LPP: variants seen among roughly 807,000 people sequenced by gnomAD.
LPP encodes lipoma-preferred partner.
A neutral mutation model predicts 60.4 loss-of-function variants in LPP; 38 were observed. The ratio of observed to expected loss-of-function variants is 0.63; its 90% CI spans 0.49 to 0.83. The LOEUF (loss-of-function observed/expected upper bound fraction) is 0.83. Among genes scored for constraint, LPP ranks in the 40% least tolerant of loss-of-function variants. The probability of loss-of-function intolerance (pLI) is 0.00; values close to 1 mark genes in which losing one functional copy is unlikely to be tolerated. For missense variants in LPP, 902 were observed against 783.6 expected (o/e 1.15, Z -1.80); for synonymous variants, 328 against 290.8 (o/e 1.13, Z -1.30).
intron 3 of LPP, among the ~76,000 whole-genome samples, chr3:188,394,853 C>A (rs111983924): frequency 1.3e-3 from 199 of 152,212 alleles, no homozygotes; most frequent in Non-Finnish European, 2.4e-3. Flanking sequence ...AAAAGTGGAA[C>A]AACTTCCAAC....
In LPP at chr3:188,466,867, T is replaced by TA. The variant is rs35756937; in HGVS notation, c.194-17723dup. ...TGCTGTGTAAACTCCACCTGTTTGC[T>TA]AATCATAACATTCATTTTTCTCAAT... On this transcript the variant is annotated intron_variant, in intron 4 of 11. Coordinates refer to ENST00000617246, the MANE Select transcript of LPP (RefSeq NM_001375462.1). Among the ~76,000 whole-genome samples the TA allele has an allele frequency of 2.7e-3, 370 of 137,882 alleles. 6 individuals are homozygous for TA. The highest frequency in any genetic ancestry group is 9.5e-3 in the African/African-American group (352 of 37,224). The allele number at this position is 137,882 out of a possible 152,430, so 90.5% of individuals were successfully genotyped here.
At chr3:188,559,616 G>T (rs773739061) in intron 6 of LPP, among the ~76,000 whole-genome samples, 1 of 151,912 alleles carries the variant, frequency 6.6e-6, no homozygotes, top group Non-Finnish European at 1.5e-5. Flanking sequence ...TTCACTCAAG[G>T]CAGGAAGACA....
At chr3:188,767,664 T>A (rs1734580120) in intron 9 of LPP, among the ~76,000 whole-genome samples, 1 of 152,154 alleles carries the variant, frequency 6.6e-6, no homozygotes, top group South Asian at 2.1e-4. Flanking sequence ...GAATTACATG[T>A]AGCCATATAG....
At chr3:188,636,814 G>A (rs982176922) in intron 7 of LPP, among the ~76,000 whole-genome samples, 3 of 151,568 alleles carry the variant, frequency 2.0e-5, no homozygotes, top group Non-Finnish European at 4.4e-5. Context: ...ACCTCACACG[G>A]CAGGGTATTC....
intron 9 of LPP, among the ~76,000 whole-genome samples, chr3:188,859,625 G>C (rs1163792614): frequency 6.6e-6 from 1 of 152,188 alleles, no homozygotes; most frequent in Non-Finnish European, 1.5e-5. Flanking sequence ...CAATATTAGA[G>C]TAAGTGAGGA....
chr3:188,863,822 A>T (rs933181602), intron 9 of LPP, among the ~76,000 whole-genome samples: 6 of 152,126 alleles, frequency 3.9e-5, no homozygotes, highest in African/African-American at 1.4e-4. Flanking sequence ...AGGTCTTTCC[A>T]TAGGAACTAA....
intron 6 of LPP, among the ~76,000 whole-genome samples, chr3:188,536,002 A>ATTTTTTTTTTTTTT (rs11293389): frequency 8.2e-6 from 1 of 121,762 alleles, no homozygotes; most frequent in Non-Finnish European, 1.7e-5. Flanking sequence ...TATTACATGA[A>ATTTTTTTTTTTTTT]TTTTTTTTTT....
intron 1 of LPP, among the ~76,000 whole-genome samples, chr3:188,209,271 T>C (rs1189615168): frequency 6.6e-6 from 1 of 152,174 alleles, no homozygotes; most frequent in African/African-American, 2.4e-5. Flanking sequence ...TACTACCTCC[T>C]GGGATAGTTG....
chr3:188,500,662 T>G lies in LPP; in HGVS notation c.306+15958T>G, dbSNP rs1305776899. ...TTCATGTATCAATGTTTGGTAGAAT[T>G]TACTAGTGAAGCCATGGTTCCAGAT... On this transcript the variant is annotated intron_variant, in intron 5 of 11. Coordinates refer to ENST00000617246, the MANE Select transcript of LPP (RefSeq NM_001375462.1). Among the ~76,000 whole-genome samples the G allele has an allele frequency of 2.6e-5, 4 of 152,168 alleles. No individual in the cohort carries two copies. The East Asian group carries it at 7.7e-4, about 29-fold the overall frequency.
At chr3:188,575,220 T>C (rs1228482787) in intron 6 of LPP, among the ~76,000 whole-genome samples, 1 of 152,170 alleles carries the variant, frequency 6.6e-6, no homozygotes, top group Non-Finnish European at 1.5e-5. Flanking sequence ...TGTGCTCTTT[T>C]CAGAAGCTTT....
intron 2 of LPP, among the ~76,000 whole-genome samples, chr3:188,318,804 G>GCCGGA (rs1755988619): frequency 7.3e-6 from 1 of 136,540 alleles, no homozygotes; most frequent in South Asian, 2.3e-4. Context: ...TGTCGCCCAG[G>GCCGGA]CTGGAGTGCA....
At chr3:188,406,657 C>A (rs772895796) in intron 4 of LPP, among the ~76,000 whole-genome samples, 1 of 152,148 alleles carries the variant, frequency 6.6e-6, no homozygotes, top group South Asian at 2.1e-4. Flanking sequence ...GACAGTCATC[C>A]CTCCCTCTTG....
rs146725533 is a variant in LPP at position 188,551,980 on chromosome 3, A to T, written c.429+27193A>T. ...TAAGTCAAGCAAAGGAGTTTGTGCAAAAAGTTTGAACATTAACAACAACAA... is the reference window on the plus strand; with the variant it reads ...TAAGTCAAGCAAAGGAGTTTGTGCATAAAGTTTGAACATTAACAACAACAA... On this transcript the variant is annotated intron_variant, in intron 6 of 11. Transcript: ENST00000617246. Among the ~76,000 whole-genome samples, 10 of 151,096 alleles carry T rather than the reference A, an allele frequency of 6.6e-5. No individual in the cohort carries two copies. In the East Asian group the frequency reaches 2.0e-3, roughly 31 times the overall value.
At chr3:188,260,616 G>A (rs921759923) in intron 2 of LPP, among the ~76,000 whole-genome samples, 4 of 152,022 alleles carry the variant, frequency 2.6e-5, no homozygotes, top group Non-Finnish European at 5.9e-5. Context: ...GCTGCATAAC[G>A]ATTGAGCACC....
At chr3:188,715,991 T>C (rs1241078686) in intron 8 of LPP, among the ~76,000 whole-genome samples, 1 of 152,212 alleles carries the variant, frequency 6.6e-6, no homozygotes, top group East Asian at 1.9e-4. Flanking sequence ...GATATTGTCT[T>C]ATTCCTTCTT....
chr3:188,878,759 T>TAAAAAAAAAAAAAAAAGAAAAA lies in LPP; in HGVS notation c.*4300_*4301insAAAAAAAAAAAAAAAAAAGAAA, dbSNP rs1769554077. 1 of 153,952 alleles carries TAAAAAAAAAAAAAAAAGAAAAA rather than the reference T, an allele frequency of 6.5e-6. No individual in the cohort carries two copies. The highest frequency in any genetic ancestry group is 2.9e-5 in the African/African-American group (1 of 34,838). The allele number at this position is 153,952 out of a possible 1,614,324, so 9.5% of individuals were successfully genotyped here. A position where few individuals can be genotyped will look rare whatever the true frequency, so the allele number is the denominator to read the frequency against. ...ATATACTCACCAAAAAGTAAAAAAGTAAAAAAAAAAAAAAAAGAAAGAAAG... is the reference window on the plus strand; with the variant it reads ...ATATACTCACCAAAAAGTAAAAAAGTAAAAAAAAAAAAAAAAGAAAAAAAAAAAAAAAAAAAAAGAAAGAAAG... On this transcript the variant is annotated 3_prime_UTR_variant, in exon 12 of 12. Transcript: ENST00000617246.
At chr3:188,842,103 G>T (rs1760181900) in intron 9 of LPP, among the ~76,000 whole-genome samples, 1 of 152,162 alleles carries the variant, frequency 6.6e-6, no homozygotes, top group Non-Finnish European at 1.5e-5. Flanking sequence ...TGGTGAGAGA[G>T]GGCTAATTTA....
intron 6 of LPP, among the ~76,000 whole-genome samples, chr3:188,596,362 T>C (rs1839978136): frequency 6.6e-6 from 1 of 152,176 alleles, no homozygotes; most frequent in Admixed American, 6.6e-5. Flanking sequence ...TTCCTAATAG[T>C]CACTCTTCAT....
chr3:188,746,890 T>C (rs976863604), intron 8 of LPP, among the ~76,000 whole-genome samples: 1 of 152,192 alleles, frequency 6.6e-6, no homozygotes, highest in Non-Finnish European at 1.5e-5. Context: ...AATGTGTCAA[T>C]AAGTTTGAAG....
Sources: gnomAD v4.1 joint callset for allele counts (sites outside exome capture counted in the v4.1 genomes callset) on GRCh38, gnomAD v4.1.1 for gene constraint, MANE v1.5 for transcripts, NCBI Gene and HGNC (gene_info 2026-07-23, HGNC 2026-07-21) for gene names.